The following CALB2 variants were observed in gnomAD, a reference collection of about 807,000 sequenced individuals.
CALB2 encodes the protein calretinin.
CALB2 carries 34 observed loss-of-function variants against 45.9 expected under a neutral mutation model. The observed-to-expected ratio is 0.74, with a 90% CI of 0.56 to 0.99. CALB2 has a LOEUF of 0.99. Among genes scored for constraint, CALB2 ranks in the 50% least tolerant of loss-of-function variants. The probability of loss-of-function intolerance (pLI) is 0.00; values close to 1 mark genes in which losing one functional copy is unlikely to be tolerated. For missense variants in CALB2, 344 were observed against 339.3 expected (o/e 1.01, Z -0.11); for synonymous variants, 142 against 129.6 (o/e 1.10, Z -0.65).
At chr16:71,363,508 A>C (rs2042253753) in intron 1 of CALB2, among the ~76,000 whole-genome samples, 1 of 152,210 alleles carries the variant, frequency 6.6e-6, no homozygotes, top group South Asian at 2.1e-4. Flanking sequence ...AGTCTTCTCC[A>C]AGCCCACACA....
At chr16:71,387,326 AC>A (rs1366584913) in intron 10 of CALB2, among the ~76,000 whole-genome samples, 1 of 152,260 alleles carries the variant, frequency 6.6e-6, no homozygotes, top group African/African-American at 2.4e-5. Flanking sequence ...AAGAATATTA[AC>A]AAAGCTGTTT....
chr16:71,376,751 C>T (rs555436667), intron 3 of CALB2, among the ~76,000 whole-genome samples: 2 of 149,420 alleles, frequency 1.3e-5, no homozygotes, highest in South Asian at 4.2e-4. Flanking sequence ...ACACACACCC[C>T]CATACAACCA....
chr16:71,370,455 G>C (rs2042336101), intron 1 of CALB2, among the ~76,000 whole-genome samples: 1 of 151,926 alleles, frequency 6.6e-6, no homozygotes, highest in Non-Finnish European at 1.5e-5. Context: ...TTCAAACTTT[G>C]CTGCACAGGA....
intron 1 of CALB2, 86 bp downstream of exon 1, chr16:71,358,972 G>A (rs1423112252): frequency 5.0e-6 from 6 of 1,204,784 alleles, no homozygotes; most frequent in Non-Finnish European, 7.1e-6. Context: ...AATGCGGGCA[G>A]GTGTACGTTT....
chr16:71,384,496 C>T (rs985834901), intron 8 of CALB2, 118 bp downstream of exon 8: 5 of 818,438 alleles, frequency 6.1e-6, no homozygotes, highest in South Asian at 1.4e-5. Context: ...ACACCACACA[C>T]ACACAAAACA....
At position 71,358,731 on chromosome 16, in the gene CALB2, T is replaced by G. The variant is rs2042206520; in HGVS notation, c.-62T>G. The G allele has an allele frequency of 3.0e-6, 4 of 1,335,942 alleles. No homozygotes were observed. Among genetic ancestry groups the G allele is most frequent in the Non-Finnish European group, 4.2e-6 (4 of 956,028 alleles). 82.8% of individuals were successfully genotyped at this position (1,335,942 alleles called of 1,614,324 possible). ...GCGTGGCGCACAACCCCAGCGCGAG[T>G]GCCAGAGCCCAGCCGGCGCGGAGCG... is the stretch of plus-strand genomic sequence containing the variant. On this transcript the variant is annotated 5_prime_UTR_variant, in exon 1 of 11. Coordinates refer to ENST00000302628, the MANE Select transcript of CALB2 (RefSeq NM_001740.5).
Position 71,372,094 on chromosome 16 carries a change from AC to A in CALB2, c.95-55del. On this transcript the variant is annotated intron_variant, in intron 1 of 10. Coordinates refer to ENST00000302628, the MANE Select transcript of CALB2 (RefSeq NM_001740.5). ...TCTCCACGAAGCCCCCGACATGCCC[AC>A]CCCGTGCCCCCCTTACTATTTAGTG... The A allele has an allele frequency of 2.8e-6, 3 of 1,058,712 alleles. No individual in the cohort carries two copies. The South Asian group carries it at 3.8e-5, about 13-fold the overall frequency. 65.6% of individuals were successfully genotyped at this position (1,058,712 alleles called of 1,614,324 possible).
chr16:71,379,480 G>A (rs2042460750), intron 4 of CALB2, among the ~76,000 whole-genome samples: 1 of 152,042 alleles, frequency 6.6e-6, no homozygotes, highest in East Asian at 1.9e-4. Context: ...ATTCTATGTG[G>A]TTCAACCAAA....
intron 6 of CALB2, among the ~76,000 whole-genome samples, chr16:71,383,769 G>A (rs1279106774): frequency 6.6e-6 from 1 of 152,104 alleles, no homozygotes; most frequent in East Asian, 1.9e-4. Context: ...AGGGGAGAGA[G>A]GAGCAGTGAA....
chr16:71,360,414 A>C (rs939025481), intron 1 of CALB2, among the ~76,000 whole-genome samples: 9 of 152,200 alleles, frequency 5.9e-5, no homozygotes. Context: ...GGGGCTAAGG[A>C]GGGATTGTGT....
At chr16:71,363,987 C>T (rs1001484251) in intron 1 of CALB2, among the ~76,000 whole-genome samples, 1 of 152,140 alleles carries the variant, frequency 6.6e-6, no homozygotes, top group Admixed American at 6.5e-5. Context: ...AGGGAACAGC[C>T]GCCTGACCCA....
chr16:71,384,234 T>A, intron 7 of CALB2, 105 bp from the exon 8 acceptor site: 1 of 1,084,040 alleles, frequency 9.2e-7, no homozygotes, highest in South Asian at 1.2e-5. Flanking sequence ...TGTGAAGTGC[T>A]CAGAAATCAT....
intron 10 of CALB2, among the ~76,000 whole-genome samples, chr16:71,388,296 T>C (rs1052197174): frequency 7.1e-6 from 1 of 140,790 alleles, no homozygotes; most frequent in African/African-American, 2.7e-5. Flanking sequence ...ATCACGCCAT[T>C]GCATTCCAGC....
At chr16:71,385,508 C>A (rs1567544679) in intron 9 of CALB2, 69 bp from the exon 10 acceptor site, 3 of 1,392,226 alleles carry the variant, frequency 2.2e-6, no homozygotes, top group Non-Finnish European at 2.0e-6. Flanking sequence ...CTTAGACATC[C>A]CTGGAATGGG....
chr16:71,359,495 G>A (rs772614498), intron 1 of CALB2, among the ~76,000 whole-genome samples: 18 of 152,160 alleles, frequency 1.2e-4, no homozygotes, highest in African/African-American at 3.9e-4. Context: ...GGCGGGCAGC[G>A]TTGGGGTGCC....
At chr16:71,389,297 T>A (rs1266688918) in intron 10 of CALB2, among the ~76,000 whole-genome samples, 1 of 152,190 alleles carries the variant, frequency 6.6e-6, no homozygotes, top group Admixed American at 6.5e-5. Flanking sequence ...ATTCTCTTCA[T>A]CACCTGCAGT....
At chr16:71,362,219 C>G (rs1363989714) in intron 1 of CALB2, among the ~76,000 whole-genome samples, 1 of 152,242 alleles carries the variant, frequency 6.6e-6, no homozygotes, top group African/African-American at 2.4e-5. Context: ...AGAGTTCACA[C>G]TGTCCTTTAT....
chr16:71,381,159 C>T (rs548681205), intron 4 of CALB2, among the ~76,000 whole-genome samples: 1 of 152,220 alleles, frequency 6.6e-6, no homozygotes, highest in Non-Finnish European at 1.5e-5. Flanking sequence ...TCAGTAAAGA[C>T]TCAACTTAGA....
chr16:71,377,448 G>C (rs1243670377), intron 3 of CALB2, among the ~76,000 whole-genome samples: 1 of 152,076 alleles, frequency 6.6e-6, no homozygotes, highest in African/African-American at 2.4e-5. Context: ...CCCTCCAATT[G>C]CTCATCCCTT....
Sources: allele counts gnomAD v4.1 joint callset (sites outside exome capture counted in the v4.1 genomes callset), GRCh38; gene constraint gnomAD v4.1.1; transcripts MANE v1.5; gene names NCBI Gene and HGNC (gene_info 2026-07-23, HGNC 2026-07-21).